The following KATNIP variants were observed in gnomAD, a reference collection of about 807,000 sequenced individuals.
The protein encoded by KATNIP is katanin interacting protein.
A neutral mutation model predicts 174.0 loss-of-function variants in KATNIP; 126 were observed. That is an observed-to-expected ratio of 0.72 (90% CI 0.63 to 0.84). The LOEUF (loss-of-function observed/expected upper bound fraction) is 0.84, where lower values mean the gene tolerates loss of function less well. KATNIP is among the 40% of genes least tolerant of loss of function. The probability of loss-of-function intolerance (pLI) is 0.00; values close to 1 mark genes in which losing one functional copy is unlikely to be tolerated. For synonymous variants in KATNIP, 810 were observed against 835.7 expected (o/e 0.97, Z 0.53); for missense variants, 1,958 against 2,109.7 (o/e 0.93, Z 1.41).
chr16:27,575,837 T>G (rs1476270430), intron 2 of KATNIP, among the ~76,000 whole-genome samples: 1 of 152,184 alleles, frequency 6.6e-6, no homozygotes, highest in Non-Finnish European at 1.5e-5. Context: ...GCTGAAAAGA[T>G]CTAAGTGTCG....
intron 2 of KATNIP, among the ~76,000 whole-genome samples, chr16:27,602,980 A>G (rs374069316): frequency 2.0e-5 from 3 of 152,292 alleles, no homozygotes; most frequent in African/African-American, 7.2e-5. Flanking sequence ...GATTACAGGC[A>G]TGAGCCACGG....
intron 6 of KATNIP, among the ~76,000 whole-genome samples, chr16:27,654,423 G>T (rs1234919619): frequency 2.0e-5 from 3 of 152,222 alleles, no homozygotes; most frequent in Non-Finnish European, 4.4e-5. Context: ...CTGGCTGTGT[G>T]CCAGCAATGG....
At chr16:27,591,632 T>C (rs1342416610) in intron 2 of KATNIP, among the ~76,000 whole-genome samples, 1 of 152,060 alleles carries the variant, frequency 6.6e-6, no homozygotes. Flanking sequence ...TTAATGAGAG[T>C]GTCAGTGGAA....
In KATNIP at chr16:27,612,233, A is replaced by T. The variant is rs561908631; in HGVS notation, c.64-6192A>T. Reference sequence around the variant, plus strand: ...ACCCTGTGAGGGAAAGAAAAGTTCCACCAGACAACAGGTACAGGCATCACC... The same window carrying T: ...ACCCTGTGAGGGAAAGAAAAGTTCCTCCAGACAACAGGTACAGGCATCACC... On this transcript the variant is annotated intron_variant, in intron 2 of 27. Coordinates refer to ENST00000261588, the MANE Select transcript of KATNIP (RefSeq NM_015202.5). Among the ~76,000 whole-genome samples, 23 of 152,282 alleles carry T rather than the reference A, an allele frequency of 1.5e-4. No individual in the cohort carries two copies. The South Asian group carries it at 4.8e-3, about 32-fold the overall frequency.
intron 3 of KATNIP, among the ~76,000 whole-genome samples, chr16:27,627,288 T>C (rs1005682720): frequency 6.6e-6 from 1 of 152,240 alleles, no homozygotes; most frequent in Non-Finnish European, 1.5e-5. Context: ...TTTCTGCTGG[T>C]GATTTCGTTG....
At chr16:27,753,141 C>G (rs1018165075) in intron 17 of KATNIP, among the ~76,000 whole-genome samples, 2 of 152,176 alleles carry the variant, frequency 1.3e-5, no homozygotes, top group Admixed American at 1.3e-4. Flanking sequence ...TGCCCCTCCC[C>G]CTCCCCACAT....
At chr16:27,609,451 CG>C (rs1567490239) in intron 2 of KATNIP, among the ~76,000 whole-genome samples, 45 of 128,228 alleles carry the variant, frequency 3.5e-4, no homozygotes, top group African/African-American at 1.3e-3. Context: ...AGTGCAGTGG[CG>C]CGATCTCAGC....
At chr16:27,604,130 ACT>A (rs2075625572) in intron 2 of KATNIP, among the ~76,000 whole-genome samples, 1 of 150,776 alleles carries the variant, frequency 6.6e-6, no homozygotes, top group Non-Finnish European at 1.5e-5. Context: ...ACAGGGTCTC[ACT>A]CTGTCACCCA....
At position 27,778,965 on chromosome 16, in the gene KATNIP, G is replaced by A. The variant is rs548109028; in HGVS notation, c.*336G>A. 27 of 253,576 alleles carry A rather than the reference G, an allele frequency of 1.1e-4. No homozygotes were observed. The highest frequency in any genetic ancestry group is 2.7e-4 in the African/African-American group (12 of 45,024). The allele number at this position is 253,576 out of a possible 1,614,324, so 15.7% of individuals were successfully genotyped here. ...CCCTGACTCAGAACAGGACAATGAC[G>A]GGGTGGGGAGGCATCCCATCCAGCC... On this transcript the variant is annotated 3_prime_UTR_variant, in exon 28 of 28. Transcript: ENST00000261588.
In KATNIP at chr16:27,735,297, C is replaced by A. The variant is rs183587619; in HGVS notation, c.1744-4744C>A. Among the ~76,000 whole-genome samples the A allele has an allele frequency of 1.1e-3, 168 of 152,272 alleles. 2 individuals carry two copies. Among genetic ancestry groups the A allele is most frequent in the African/African-American group, 3.9e-3 (163 of 41,556 alleles). ...GGAACAGGGCTGGAGGTCAGATGGG[C>A]TCTGGACTGGGGAAGGAAGATGGGT... On this transcript the variant is annotated intron_variant, in intron 14 of 27. Coordinates refer to ENST00000261588, the MANE Select transcript of KATNIP (RefSeq NM_015202.5).
At chr16:27,650,239 C>T (rs897898047) in intron 6 of KATNIP, among the ~76,000 whole-genome samples, 4 of 151,022 alleles carry the variant, frequency 2.6e-5, no homozygotes, top group Middle Eastern at 3.3e-3. Flanking sequence ...AAGCAGCAAG[C>T]GTGCAACGGC....
intron 5 of KATNIP, among the ~76,000 whole-genome samples, chr16:27,632,783 C>T (rs1217150228): frequency 1.3e-5 from 2 of 151,920 alleles, no homozygotes; most frequent in Admixed American, 6.6e-5. Context: ...CAGAGTCTCG[C>T]TCTGTCACCC....
At chr16:27,603,524 C>T (rs1007599903) in intron 2 of KATNIP, among the ~76,000 whole-genome samples, 1 of 152,096 alleles carries the variant, frequency 6.6e-6, no homozygotes, top group Non-Finnish European at 1.5e-5. Context: ...GAGGCCCTCT[C>T]GGAGCCCTGA....
intron 12 of KATNIP, among the ~76,000 whole-genome samples, chr16:27,704,827 A>G (rs2142996250): frequency 6.6e-6 from 1 of 152,232 alleles, no homozygotes; most frequent in Non-Finnish European, 1.5e-5. Flanking sequence ...TGGAGCTAGG[A>G]CACAAAATAC....
intron 6 of KATNIP, among the ~76,000 whole-genome samples, chr16:27,666,736 G>T (rs1450802526): frequency 6.6e-6 from 1 of 151,672 alleles, no homozygotes; most frequent in East Asian, 2.0e-4. Context: ...TTTAAAATAT[G>T]CAGAGTTAGG....
intron 3 of KATNIP, among the ~76,000 whole-genome samples, chr16:27,621,155 A>G (rs2076183403): frequency 6.6e-6 from 1 of 151,988 alleles, no homozygotes; most frequent in Non-Finnish European, 1.5e-5. Flanking sequence ...ATCCACCTAT[A>G]GTTCTAGCTA....
intron 1 of KATNIP, among the ~76,000 whole-genome samples, chr16:27,556,863 TTGTGTC>T (rs949715056): frequency 6.6e-6 from 1 of 152,190 alleles, no homozygotes; most frequent in Non-Finnish European, 1.5e-5. Context: ...CATAGACTCT[TTGTGTC>T]TGTTCTGTTT....
intron 15 of KATNIP, among the ~76,000 whole-genome samples, chr16:27,746,615 C>T (rs755053650): frequency 1.1e-4 from 16 of 152,158 alleles, no homozygotes; most frequent in Non-Finnish European, 2.1e-4. Context: ...CCTCCAGGAG[C>T]GAGGATAAAG....
At chr16:27,737,990 G>T (rs1043139438) in intron 14 of KATNIP, among the ~76,000 whole-genome samples, 1 of 152,126 alleles carries the variant, frequency 6.6e-6, no homozygotes, top group African/African-American at 2.4e-5. Flanking sequence ...AGGAACAAGG[G>T]GTAGTGGGAG....
Sources: gnomAD v4.1 joint callset for allele counts (sites outside exome capture counted in the v4.1 genomes callset) on GRCh38, gnomAD v4.1.1 for gene constraint, MANE v1.5 for transcripts, NCBI Gene and HGNC (gene_info 2026-07-23, HGNC 2026-07-21) for gene names.